The following CMC1 variants were observed in gnomAD, a reference collection of about 807,000 sequenced individuals.
CMC1 encodes C-X9-C motif containing 1.
A neutral mutation model predicts 14.1 loss-of-function variants in CMC1; 14 were observed. The ratio of observed to expected loss-of-function variants is 0.99; its 90% CI spans 0.66 to 1.55. The LOEUF is 1.55. Among genes scored for constraint, CMC1 ranks in the 40% most tolerant of loss-of-function variants. CMC1 has a pLI of 0.00. For synonymous variants in CMC1, 50 were observed against 38.4 expected (o/e 1.30, Z -1.12); for missense variants, 127 against 123.8 (o/e 1.03, Z -0.12).
intron 2 of CMC1, among the ~76,000 whole-genome samples, chr3:28,308,506 C>T (rs1702450229): frequency 6.6e-6 from 1 of 152,004 alleles, no homozygotes. Flanking sequence ...TTTGAAGATA[C>T]AGGAAAAATA....
chr3:28,267,340 C>T (rs1369198739), intron 2 of CMC1, among the ~76,000 whole-genome samples: 2 of 152,044 alleles, frequency 1.3e-5, no homozygotes, highest in East Asian at 3.9e-4. Context: ...TATAAAGTCT[C>T]TATATTGGAT....
chr3:28,251,627 CTGAG>C (rs1699129839), intron 1 of CMC1, among the ~76,000 whole-genome samples: 4 of 152,192 alleles, frequency 2.6e-5, no homozygotes, highest in African/African-American at 9.7e-5. Context: ...TGAGCAAAGG[CTGAG>C]TCTTTGAAAT....
intron 2 of CMC1, 117 bp downstream of exon 2, chr3:28,263,497 C>G: frequency 1.7e-6 from 1 of 593,294 alleles, no homozygotes. Context: ...TTGCTTCTCA[C>G]CCTTTCGCTG....
intron 2 of CMC1, among the ~76,000 whole-genome samples, chr3:28,269,035 T>C (rs1249935916): frequency 6.6e-6 from 1 of 152,234 alleles, no homozygotes; most frequent in Non-Finnish European, 1.5e-5. Context: ...ACTTAACTTT[T>C]ATTGTTACAA....
intron 2 of CMC1, among the ~76,000 whole-genome samples, chr3:28,295,498 G>A (rs193253284): frequency 6.6e-6 from 1 of 152,096 alleles, no homozygotes; most frequent in East Asian, 1.9e-4. Context: ...CCTTAGAGGG[G>A]CCTACCTGGA....
At chr3:28,245,493 C>T (rs1299650728) in intron 1 of CMC1, among the ~76,000 whole-genome samples, 1 of 152,094 alleles carries the variant, frequency 6.6e-6, no homozygotes, top group Non-Finnish European at 1.5e-5. Context: ...TTCCCTCTGT[C>T]AACATAGATT....
At chr3:28,268,398 C>T (rs1700112617) in intron 2 of CMC1, among the ~76,000 whole-genome samples, 1 of 152,140 alleles carries the variant, frequency 6.6e-6, no homozygotes, top group Non-Finnish European at 1.5e-5. Flanking sequence ...TGTATTGTGA[C>T]AACACATGTG....
At chr3:28,300,045 TA>T (rs1683371036) in intron 2 of CMC1, among the ~76,000 whole-genome samples, 1 of 152,186 alleles carries the variant, frequency 6.6e-6, no homozygotes, top group African/African-American at 2.4e-5. Flanking sequence ...ATACTATACT[TA>T]TTAAGTGTCT....
At chr3:28,258,585 T>A (rs1450370723) in intron 1 of CMC1, among the ~76,000 whole-genome samples, 1 of 151,340 alleles carries the variant, frequency 6.6e-6, no homozygotes, top group Non-Finnish European at 1.5e-5. Flanking sequence ...GCCAATAAAT[T>A]GATCGTATAT....
At chr3:28,263,613 C>G (rs926502422) in intron 2 of CMC1, among the ~76,000 whole-genome samples, 1 of 151,808 alleles carries the variant, frequency 6.6e-6, no homozygotes, top group Non-Finnish European at 1.5e-5. Flanking sequence ...TGTTTTTTTA[C>G]CCTCAGAGGT....
intron 2 of CMC1, chr3:28,293,085 A>G (rs1235423014): frequency 2.0e-5 from 3 of 152,066 alleles, no homozygotes; most frequent in Admixed American, 6.6e-5. Context: ...ATGATTTCCT[A>G]TACATCTCTA....
chr3:28,306,488 A>C (rs928474378), intron 2 of CMC1, among the ~76,000 whole-genome samples: 1 of 152,000 alleles, frequency 6.6e-6, no homozygotes, highest in Non-Finnish European at 1.5e-5. Context: ...CTTGAACGTT[A>C]CTGGTGTATA....
In CMC1 at chr3:28,308,128, T is replaced by C. The variant is rs1029860508; in HGVS notation, c.110-8205T>C. Among the ~76,000 whole-genome samples the C allele has an allele frequency of 2.6e-5, 4 of 152,338 alleles. No individual in the cohort carries two copies. The South Asian group carries it at 8.3e-4, about 32-fold the overall frequency. Reference sequence around the variant, plus strand: ...AGCAAAGTTAATTCTGTCTGCATCCTTAATTCCCATTTCCTGTGTATCTTA... The same window carrying C: ...AGCAAAGTTAATTCTGTCTGCATCCCTAATTCCCATTTCCTGTGTATCTTA... On this transcript the variant is annotated intron_variant, in intron 2 of 3. Coordinates refer to ENST00000466830, the MANE Select transcript of CMC1 (RefSeq NM_182523.2).
At chr3:28,296,021 GT>G (rs1184663042) in intron 2 of CMC1, among the ~76,000 whole-genome samples, 1 of 152,016 alleles carries the variant, frequency 6.6e-6, no homozygotes, top group Non-Finnish European at 1.5e-5. Flanking sequence ...GTTACTTTCA[GT>G]TTCTTTTCAC....
chr3:28,297,319 T>C (rs1252583938), intron 2 of CMC1, among the ~76,000 whole-genome samples: 2 of 151,982 alleles, frequency 1.3e-5, no homozygotes. Context: ...TGTAAACTTT[T>C]AGGTAAGGGC....
chr3:28,266,127 C>G (rs1160942393), intron 2 of CMC1, among the ~76,000 whole-genome samples: 1 of 152,138 alleles, frequency 6.6e-6, no homozygotes, highest in Admixed American at 6.5e-5. Flanking sequence ...ACATGATACC[C>G]TCTTTATCTA....
Position 28,263,280 on chromosome 3 carries a change from T to C in CMC1, c.20-11T>C. On this transcript the variant is annotated splice_polypyrimidine_tract_variant and intron_variant, in intron 1 of 3. Transcript: ENST00000466830. Reference sequence around the variant, plus strand: ...TGAGACTTTATTAAAGAAAGATCTTTTTTTTTTCAGACCAGCATCTCAGAC... The same window carrying C: ...TGAGACTTTATTAAAGAAAGATCTTCTTTTTTTCAGACCAGCATCTCAGAC... 2 of 1,580,990 alleles carry C rather than the reference T, an allele frequency of 1.3e-6. No individual in the cohort carries two copies. Among genetic ancestry groups the C allele is most frequent in the Non-Finnish European group, 1.7e-6 (2 of 1,164,156 alleles).
chr3:28,280,243 G>C (rs548022734), intron 2 of CMC1, among the ~76,000 whole-genome samples: 1 of 152,102 alleles, frequency 6.6e-6, no homozygotes, highest in African/African-American at 2.4e-5. Context: ...GTTGCACTAC[G>C]TGGGAGTGGG....
intron 2 of CMC1, among the ~76,000 whole-genome samples, chr3:28,283,518 CA>C (rs1701003091): frequency 9.3e-6 from 1 of 107,008 alleles, no homozygotes; most frequent in South Asian, 2.9e-4. Context: ...GACTCCATCT[CA>C]ACAGCAACAA....
Sources: allele counts gnomAD v4.1 joint callset (sites outside exome capture counted in the v4.1 genomes callset), GRCh38; gene constraint gnomAD v4.1.1; transcripts MANE v1.5; gene names NCBI Gene and HGNC (gene_info 2026-07-23, HGNC 2026-07-21).